TMEM178B: variants seen among roughly 807,000 people sequenced by gnomAD.
TMEM178B encodes transmembrane protein 178B.
A neutral mutation model predicts 31.0 loss-of-function variants in TMEM178B; 5 were observed. The ratio of observed to expected loss-of-function variants is 0.16; its 90% confidence interval spans 0.08 to 0.34. TMEM178B has a LOEUF of 0.34. Ranked by LOEUF, TMEM178B falls within the 10% of genes least tolerant of loss-of-function variation. The probability of loss-of-function intolerance (pLI) is 1.00; values close to 1 mark genes in which losing one functional copy is unlikely to be tolerated. For synonymous variants in TMEM178B, 164 were observed against 164.0 expected, an observed-to-expected ratio of 1.00 and a Z score of 0.00; for missense variants, 275 against 400.3, an observed-to-expected ratio of 0.69 and a Z score of 2.67.
intron 1 of TMEM178B, among the ~76,000 whole-genome samples, chr7:141,170,531 A>G (rs921615388): frequency 1.3e-5 from 2 of 152,302 alleles, no homozygotes; most frequent in East Asian, 3.9e-4. Context: ...TGTTATAAGG[A>G]TCAAACAATG....
At chr7:141,499,447 G>T in the TMEM178B span, among the ~76,000 whole-genome samples, 2 of 137,158 alleles carry the variant, frequency 1.5e-5, no homozygotes, top group African/African-American at 5.9e-5. Flanking sequence ...GGGAACCATA[G>T]GAAGACCACA....
chr7:141,313,361 T>A (rs1249410338), intron 2 of TMEM178B, among the ~76,000 whole-genome samples: 1 of 152,128 alleles, frequency 6.6e-6, no homozygotes, highest in Admixed American at 6.5e-5. Flanking sequence ...CGGTTTGCTC[T>A]CACCCTCATG....
intron 2 of TMEM178B, among the ~76,000 whole-genome samples, chr7:141,288,212 TC>T (rs1276417364): frequency 6.6e-6 from 1 of 151,180 alleles, no homozygotes; most frequent in African/African-American, 2.4e-5. Flanking sequence ...TTTTTCCCCC[TC>T]TGGGATTGTT....
chr7:141,349,502 T>A (rs1346167951), intron 2 of TMEM178B, among the ~76,000 whole-genome samples: 4 of 152,230 alleles, frequency 2.6e-5, no homozygotes. Flanking sequence ...TGCTGTGTGC[T>A]GGATCTGTAT....
At position 141,375,894 on chromosome 7, in the gene TMEM178B, G is replaced by T. The variant is rs1015641477; in HGVS notation, c.497-61714G>T. Among the ~76,000 whole-genome samples, 3 of 152,314 alleles carry T rather than the reference G, an allele frequency of 2.0e-5. No homozygotes were observed. The East Asian group carries it at 5.8e-4, about 29-fold the overall frequency. On this transcript the variant is annotated intron_variant, in intron 2 of 3. Transcript: ENST00000565468. ...CTTGGGTGAACAACAGAAGGAGACA[G>T]GCCTCTTGGCCATCGGCCTGCAGGA...
chr7:141,191,425 GC>G (rs1167484673), intron 1 of TMEM178B, among the ~76,000 whole-genome samples: 1 of 152,202 alleles, frequency 6.6e-6, no homozygotes, highest in Non-Finnish European at 1.5e-5. Flanking sequence ...CTGATGGATT[GC>G]CCTCTAGAGA....
intron 2 of TMEM178B, among the ~76,000 whole-genome samples, chr7:141,350,849 A>G (rs1586907612): frequency 6.6e-6 from 1 of 152,224 alleles, no homozygotes; most frequent in South Asian, 2.1e-4. Context: ...GATTCAAAGC[A>G]GCAATACTTA....
intron 1 of TMEM178B, among the ~76,000 whole-genome samples, chr7:141,108,013 G>A (rs1422524232): frequency 6.6e-6 from 1 of 152,234 alleles, no homozygotes; most frequent in Admixed American, 6.5e-5. Context: ...TGTGTCAGAT[G>A]TTGCTGGTCG....
intron 2 of TMEM178B, among the ~76,000 whole-genome samples, chr7:141,259,000 G>T (rs1797972677): frequency 6.6e-6 from 1 of 152,022 alleles, no homozygotes; most frequent in Non-Finnish European, 1.5e-5. Flanking sequence ...TTGATTACTG[G>T]TTTTCATCAA....
chr7:141,139,495 G>T (rs1325796495), intron 1 of TMEM178B, among the ~76,000 whole-genome samples: 2 of 152,044 alleles, frequency 1.3e-5, no homozygotes, highest in Non-Finnish European at 2.9e-5. Context: ...GGACTACAGG[G>T]ACATGCCACC....
At chr7:141,246,330 T>C (rs1797729485) in intron 2 of TMEM178B, among the ~76,000 whole-genome samples, 1 of 152,220 alleles carries the variant, frequency 6.6e-6, no homozygotes. Flanking sequence ...CATTTCCCCA[T>C]GTGGATGCAA....
chr7:141,185,634 G>A (rs757614998), intron 1 of TMEM178B, among the ~76,000 whole-genome samples: 18 of 152,124 alleles, frequency 1.2e-4, no homozygotes, highest in Admixed American at 3.3e-4. Flanking sequence ...CCAGCTGCTT[G>A]TGTGTCTTCT....
At chr7:141,447,983 T>G (rs1203842703) in intron 3 of TMEM178B, among the ~76,000 whole-genome samples, 2 of 151,842 alleles carry the variant, frequency 1.3e-5, no homozygotes, top group South Asian at 2.1e-4. Context: ...CGGAACTCCA[T>G]AGACTTTTGC....
At chr7:141,245,404 C>A (rs1430789275) in intron 2 of TMEM178B, among the ~76,000 whole-genome samples, 5 of 151,880 alleles carry the variant, frequency 3.3e-5, no homozygotes, top group Non-Finnish European at 5.9e-5. Context: ...GAGGTTTGTT[C>A]ATTTTACACT....
At chr7:141,219,073 C>CT (rs1284352856) in intron 2 of TMEM178B, among the ~76,000 whole-genome samples, 1 of 152,212 alleles carries the variant, frequency 6.6e-6, no homozygotes, top group Non-Finnish European at 1.5e-5. Context: ...GTAAGCACCT[C>CT]TTTTTGTTCA....
intron 1 of TMEM178B, among the ~76,000 whole-genome samples, chr7:141,098,861 C>T (rs559969266): frequency 2.0e-5 from 3 of 152,286 alleles, no homozygotes; most frequent in Admixed American, 1.3e-4. Flanking sequence ...TGAAAGTCTC[C>T]AGTTGTGATT....
At chr7:141,419,277 C>A (rs956285546) in intron 2 of TMEM178B, among the ~76,000 whole-genome samples, 33 of 152,172 alleles carry the variant, frequency 2.2e-4, no homozygotes, top group Admixed American at 2.2e-3. Flanking sequence ...AGAAAGGCAA[C>A]ACTCTAGGTC....
At chr7:141,280,722 A>G (rs1379383515) in intron 2 of TMEM178B, among the ~76,000 whole-genome samples, 1 of 151,986 alleles carries the variant, frequency 6.6e-6, no homozygotes, top group African/African-American at 2.4e-5. Flanking sequence ...GAAAACATAC[A>G]TTTAAATGAC....
chr7:141,341,220 G>A (rs1799510738), intron 2 of TMEM178B, among the ~76,000 whole-genome samples: 1 of 152,128 alleles, frequency 6.6e-6, no homozygotes, highest in Admixed American at 6.5e-5. Flanking sequence ...GAGACAAAAG[G>A]CCACAAAAAT....
Sources: allele counts gnomAD v4.1 joint callset (sites outside exome capture counted in the v4.1 genomes callset), GRCh38; gene constraint gnomAD v4.1.1; transcripts MANE v1.5; gene names NCBI Gene and HGNC (gene_info 2026-07-23, HGNC 2026-07-21).